The following LRFN2 variants were observed in gnomAD, a reference collection of about 807,000 sequenced individuals.
The protein encoded by LRFN2 is leucine-rich repeat and fibronectin type-III domain-containing protein 2.
LRFN2 carries 18 observed loss-of-function variants against 37.3 expected under a neutral mutation model. The observed-to-expected ratio is 0.48, with a 90% confidence interval of 0.33 to 0.72. The LOEUF is 0.72. Ranked by LOEUF, LRFN2 falls within the 30% of genes least tolerant of loss-of-function variation. The pLI is 0.02. For synonymous variants in LRFN2, 556 were observed against 466.6 expected (o/e 1.19, Z -2.47); for missense variants, 1,006 against 1,060.7 (o/e 0.95, Z 0.72).
intron 1 of LRFN2, among the ~76,000 whole-genome samples, chr6:40,478,343 C>A (rs1476758534): frequency 6.6e-6 from 1 of 152,192 alleles, no homozygotes; most frequent in African/African-American, 2.4e-5. Flanking sequence ...TAATTGCCAC[C>A]ATTATCACCA....
chr6:40,513,073 G>T (rs963215031), intron 1 of LRFN2, among the ~76,000 whole-genome samples: 1 of 152,204 alleles, frequency 6.6e-6, no homozygotes, highest in African/African-American at 2.4e-5. Flanking sequence ...GGGACGCAGA[G>T]GTAGGGCCCA....
chr6:40,519,366 C>A (rs1397673133), intron 1 of LRFN2, among the ~76,000 whole-genome samples: 3 of 152,172 alleles, frequency 2.0e-5, no homozygotes, highest in South Asian at 2.1e-4. Flanking sequence ...CCCATCCAAC[C>A]CTGTATTCAC....
At chr6:40,443,449 T>G (rs1763892776) in intron 1 of LRFN2, among the ~76,000 whole-genome samples, 1 of 152,172 alleles carries the variant, frequency 6.6e-6, no homozygotes, top group Admixed American at 6.5e-5. Flanking sequence ...GAGATACGGA[T>G]CAGGACTTCC....
At chr6:40,564,318 T>C (rs969830283) in intron 1 of LRFN2, among the ~76,000 whole-genome samples, 1 of 152,192 alleles carries the variant, frequency 6.6e-6, no homozygotes, top group African/African-American at 2.4e-5. Context: ...CAACACTGAT[T>C]GAGGACCTAG....
At chr6:40,491,552 T>C (rs9394700) in intron 1 of LRFN2, among the ~76,000 whole-genome samples, 5,675 of 104,626 alleles carry the variant, frequency 0.054, 263 homozygotes, top group African/African-American at 0.15. Flanking sequence ...AGGTAGGCAG[T>C]TTACCCTCTC....
In LRFN2 at chr6:40,491,278, T is replaced by C. The variant is rs544183707; in HGVS notation, c.-18-58147A>G. Among the ~76,000 whole-genome samples the C allele has an allele frequency of 2.0e-5, 3 of 152,302 alleles. No homozygotes were observed. In the East Asian group the frequency reaches 5.8e-4, roughly 29 times the overall value. ...CTCTTTCCTTGGGACCCCACGAATT[T>C]AACAATATTCCCTGGGTGCCCATCT... On this transcript the variant is annotated intron_variant, in intron 1 of 2. Transcript: ENST00000338305.
intron 1 of LRFN2, among the ~76,000 whole-genome samples, chr6:40,551,652 A>G (rs1766779949): frequency 6.6e-6 from 1 of 152,236 alleles, no homozygotes; most frequent in Non-Finnish European, 1.5e-5. Context: ...ACAAAGGTGA[A>G]CACCATCAAG....
At chr6:40,394,992 T>C (rs1312299770) in intron 2 of LRFN2, among the ~76,000 whole-genome samples, 4 of 149,604 alleles carry the variant, frequency 2.7e-5, no homozygotes, top group Non-Finnish European at 5.9e-5. Flanking sequence ...CAGTCTCGTG[T>C]ATGTCTTTAT....
In LRFN2 at chr6:40,415,415, G is replaced by A. The variant is rs1581687800; in HGVS notation, c.1400+16299C>T. On this transcript the variant is annotated intron_variant, in intron 2 of 2. Transcript: ENST00000338305. ...TAATTTTTGTATTTTTAGTAGAGAC[G>A]AGGTTTCACCATGTTGGCCAGGCTG... Among the ~76,000 whole-genome samples the A allele has an allele frequency of 2.6e-5, 4 of 152,072 alleles. No individual in the cohort carries two copies. In the South Asian group the frequency reaches 8.3e-4, roughly 32 times the overall value.
chr6:40,585,836 T>TAC (rs531576018), intron 1 of LRFN2, among the ~76,000 whole-genome samples: 4 of 149,582 alleles, frequency 2.7e-5, no homozygotes, highest in Non-Finnish European at 4.4e-5. Flanking sequence ...TACACATGCG[T>TAC]ACACACACAC....
At chr6:40,548,440 C>CAA (rs67639435) in intron 1 of LRFN2, among the ~76,000 whole-genome samples, 2 of 142,716 alleles carry the variant, frequency 1.4e-5, no homozygotes, top group East Asian at 2.0e-4. Flanking sequence ...GACTCCATCT[C>CAA]AAAAAAAAAA....
chr6:40,431,046 C>T (rs1763466230), intron 2 of LRFN2, among the ~76,000 whole-genome samples: 1 of 152,082 alleles, frequency 6.6e-6, no homozygotes, highest in Admixed American at 6.5e-5. Flanking sequence ...GAACCTGAAG[C>T]AGGTTCCTGA....
At chr6:40,575,482 G>A (rs961988884) in intron 1 of LRFN2, among the ~76,000 whole-genome samples, 7 of 152,182 alleles carry the variant, frequency 4.6e-5, no homozygotes, top group East Asian at 1.9e-4. Flanking sequence ...CTTACTCTGC[G>A]CCTGCCCTTC....
intron 1 of LRFN2, among the ~76,000 whole-genome samples, chr6:40,545,466 G>A (rs1766642830): frequency 6.6e-6 from 1 of 152,188 alleles, no homozygotes; most frequent in Admixed American, 6.5e-5. Context: ...CTGACTGAGT[G>A]ATTTGTATTC....
At chr6:40,455,770 AT>A (rs1438172915) in intron 1 of LRFN2, among the ~76,000 whole-genome samples, 1 of 152,162 alleles carries the variant, frequency 6.6e-6, no homozygotes, top group Non-Finnish European at 1.5e-5. Flanking sequence ...ATGGGGTACC[AT>A]TTCTGTGATT....
rs140562913 is a variant in LRFN2 at position 40,421,295 on chromosome 6, G to C, written c.1400+10419C>G. On this transcript the variant is annotated intron_variant, in intron 2 of 2. Coordinates refer to ENST00000338305, the MANE Select transcript of LRFN2 (RefSeq NM_020737.3). The stretch of plus-strand genomic sequence containing the variant: ...CCATTTAGAAAGTTTATTTTGCCAA[G>C]GTTAAGGACATGCCCATGATGCAGC... Among the ~76,000 whole-genome samples, 35 of 152,314 alleles carry C rather than the reference G, an allele frequency of 2.3e-4. No homozygotes were observed. In the East Asian group the frequency reaches 6.6e-3, roughly 29 times the overall value.
chr6:40,568,537 T>C (rs998922474), intron 1 of LRFN2, among the ~76,000 whole-genome samples: 5 of 152,344 alleles, frequency 3.3e-5, no homozygotes, highest in African/African-American at 9.6e-5. Context: ...ATCCTACGTG[T>C]GCTCTGTTTC....
chr6:40,533,015 A>G (rs1209243142), intron 1 of LRFN2, among the ~76,000 whole-genome samples: 1 of 152,218 alleles, frequency 6.6e-6, no homozygotes, highest in Admixed American at 6.5e-5. Context: ...TAAGGTGTTA[A>G]GTGGCACAGT....
intron 1 of LRFN2, among the ~76,000 whole-genome samples, chr6:40,463,896 T>G (rs1764401812): frequency 6.6e-6 from 1 of 152,180 alleles, no homozygotes; most frequent in Admixed American, 6.5e-5. Flanking sequence ...CAGGCTGGTC[T>G]TGAACTCCTG....
Sources: allele counts gnomAD v4.1 joint callset (sites outside exome capture counted in the v4.1 genomes callset), GRCh38; gene constraint gnomAD v4.1.1; transcripts MANE v1.5; gene names NCBI Gene and HGNC (gene_info 2026-07-23, HGNC 2026-07-21).